Variants in BMX observed in about 807,000 individuals in gnomAD.
The protein encoded by BMX is cytoplasmic tyrosine-protein kinase BMX.
BMX carries 31 observed loss-of-function variants against 59.2 expected under a neutral mutation model. The observed-to-expected ratio is 0.52, with a 90% CI of 0.39 to 0.71. The LOEUF (loss-of-function observed/expected upper bound fraction) is 0.71, where lower values mean the gene tolerates loss of function less well. BMX is among the 30% of genes least tolerant of loss of function. BMX has a pLI of 0.00. For synonymous variants in BMX, 185 were observed against 181.0 expected, an observed-to-expected ratio of 1.02 and a Z score of -0.18; for missense variants, 474 against 491.7, an observed-to-expected ratio of 0.96 and a Z score of 0.34.
intron 14 of BMX, among the ~76,000 whole-genome samples, chrX:15,541,698 A>G (rs1239984845): frequency 9.0e-6 from 1 of 111,648 alleles, no homozygotes; most frequent in South Asian, 3.7e-4. Context: ...GCAACAGACC[A>G]TTGCTACCCT....
chrX:15,556,271 C>A lies in BMX; in HGVS notation c.*124C>A. ...TTTTTAATAGTGTTCTCTGTATTGT[C>A]TATTATTTAGAAATGAACAAGGCAG... On this transcript the variant is annotated 3_prime_UTR_variant, in exon 19 of 19. Coordinates refer to ENST00000348343, the MANE Select transcript of BMX (RefSeq NM_203281.3). 1 of 586,348 alleles carries A rather than the reference C, an allele frequency of 1.7e-6. No homozygotes were observed. Among genetic ancestry groups the A allele is most frequent in the South Asian group, 4.6e-5 (1 of 21,875 alleles). The allele number at this position is 586,348 out of a possible 1,213,427, so 48.3% of individuals were successfully genotyped here.
At chrX:15,508,737 G>A (rs1180110744) in intron 2 of BMX, among the ~76,000 whole-genome samples, 3 of 111,836 alleles carry the variant, frequency 2.7e-5, no homozygotes, top group Non-Finnish European at 5.6e-5. Flanking sequence ...CTCAACTGAG[G>A]GCATTTTTGC....
At chrX:15,556,051 G>A in intron 18 of BMX, 22 bp from the exon 19 acceptor site, 3 of 1,184,315 alleles carry the variant, frequency 2.5e-6, no homozygotes, top group Non-Finnish European at 3.4e-6. Flanking sequence ...AAAACATTGG[G>A]TTTCTTGTTG....
chrX:15,555,760 A>G (rs1427322112), intron 18 of BMX, among the ~76,000 whole-genome samples: 1 of 111,914 alleles, frequency 8.9e-6, no homozygotes, highest in South Asian at 3.7e-4. Flanking sequence ...CTGTTCTAAC[A>G]TTGATACTCT....
chrX:15,541,931 T>G, intron 14 of BMX, 51 bp from the exon 15 acceptor site: 1 of 1,073,070 alleles, frequency 9.3e-7, no homozygotes, highest in Non-Finnish European at 1.3e-6. Flanking sequence ...TTTCAGTACA[T>G]GTAGAAAATG....
intron 8 of BMX, among the ~76,000 whole-genome samples, chrX:15,525,586 T>A (rs1202558574): frequency 9.0e-6 from 1 of 111,709 alleles, no homozygotes; most frequent in African/African-American, 3.3e-5. Flanking sequence ...CATACACCAG[T>A]AGTAGCACCA....
intron 16 of BMX, among the ~76,000 whole-genome samples, chrX:15,545,651 A>G (rs1289811700): frequency 2.7e-5 from 3 of 111,855 alleles, no homozygotes; most frequent in Non-Finnish European, 1.9e-5. Flanking sequence ...GCTGTTGATC[A>G]TCAGCTTCAA....
chrX:15,543,148 C>T lies in BMX; in HGVS notation c.1676+13C>T, dbSNP rs145895962. The T allele has an allele frequency of 1.8e-4, 213 of 1,194,091 alleles. No homozygotes were observed. In the African/African-American group the frequency reaches 3.5e-3, roughly 19 times the overall value. On this transcript the variant is annotated intron_variant, in intron 16 of 18. Coordinates refer to ENST00000348343, the MANE Select transcript of BMX (RefSeq NM_203281.3). ...TTGGAATGACAAGGTAAGCCAATTC[C>T]GAAAGGGCAACCAGTGAAAGGGGGA...
intron 7 of BMX, among the ~76,000 whole-genome samples, chrX:15,523,500 T>G (rs971756590): frequency 8.9e-6 from 1 of 112,456 alleles, no homozygotes; most frequent in Non-Finnish European, 1.9e-5. Flanking sequence ...AAGTGTGTTC[T>G]TCTTGATTTT....
chrX:15,530,733 T>A (rs1925028371), intron 10 of BMX, among the ~76,000 whole-genome samples: 1 of 112,262 alleles, frequency 8.9e-6, no homozygotes, highest in Non-Finnish European at 1.9e-5. Context: ...TATCTGACTT[T>A]ATTACTAATT....
At chrX:15,503,963 T>C (rs114117009) in intron 1 of BMX, among the ~76,000 whole-genome samples, 1,807 of 111,742 alleles carry the variant, frequency 0.016, 29 homozygotes, top group African/African-American at 0.056. Flanking sequence ...CCCCATAAGG[T>C]GGAGGTGTCA....
At chrX:15,533,027 A>G (rs1052357063) in intron 11 of BMX, among the ~76,000 whole-genome samples, 4 of 112,690 alleles carry the variant, frequency 3.5e-5, no homozygotes, top group Non-Finnish European at 7.5e-5. Context: ...ATAAAGAATC[A>G]AATGAATACA....
At chrX:15,533,076 T>C (rs1260366863) in intron 11 of BMX, among the ~76,000 whole-genome samples, 1 of 112,661 alleles carries the variant, frequency 8.9e-6, no homozygotes, top group Admixed American at 9.4e-5. Context: ...TGGCCTTGAG[T>C]GAATTGTATG....
At chrX:15,545,697 G>C (rs895692838) in intron 16 of BMX, among the ~76,000 whole-genome samples, 2 of 111,210 alleles carry the variant, frequency 1.8e-5, no homozygotes, top group African/African-American at 6.6e-5. Context: ...CCGTTCCCTG[G>C]CACCAGCTGC....
intron 14 of BMX, among the ~76,000 whole-genome samples, chrX:15,538,649 C>A (rs1194952048): frequency 8.9e-6 from 1 of 111,732 alleles, no homozygotes; most frequent in Non-Finnish European, 1.9e-5. Context: ...AACCGAAGCA[C>A]AGAAATGTTG....
intron 9 of BMX, among the ~76,000 whole-genome samples, chrX:15,527,247 A>AATATATATATATAT (rs34046926): frequency 7.1e-5 from 4 of 56,356 alleles, no homozygotes; most frequent in African/African-American, 8.8e-5. Context: ...CACACACACA[A>AATATATATATATAT]ATATATATAT....
intron 2 of BMX, among the ~76,000 whole-genome samples, chrX:15,508,890 A>T (rs752929323): frequency 8.9e-6 from 1 of 111,944 alleles, no homozygotes; most frequent in African/African-American, 3.2e-5. Flanking sequence ...CAGTCCTCAC[A>T]ACAAAGAATT....
At chrX:15,551,984 T>C (rs751578077) in intron 18 of BMX, among the ~76,000 whole-genome samples, 43 of 112,043 alleles carry the variant, frequency 3.8e-4, no homozygotes, top group Middle Eastern at 4.6e-3. Context: ...CAGGATGACA[T>C]AGAAGATTGG....
chrX:15,521,001 C>A (rs781749418), intron 6 of BMX, among the ~76,000 whole-genome samples: 1 of 108,880 alleles, frequency 9.2e-6, no homozygotes, highest in South Asian at 3.8e-4. Context: ...ATATTAAATG[C>A]ATCTCTTTCT....
Sources: gnomAD v4.1 joint callset for allele counts (sites outside exome capture counted in the v4.1 genomes callset) on GRCh38, gnomAD v4.1.1 for gene constraint, MANE v1.5 for transcripts, NCBI Gene and HGNC (gene_info 2026-07-23, HGNC 2026-07-21) for gene names.